Variants in BEND2 observed in about 807,000 individuals in gnomAD.
The protein encoded by BEND2 is BEN domain-containing protein 2.
A neutral mutation model predicts 43.8 loss-of-function variants in BEND2; 19 were observed. The ratio of observed to expected loss-of-function variants is 0.43; its 90% CI spans 0.30 to 0.64. The LOEUF (loss-of-function observed/expected upper bound fraction) is 0.64. Among genes scored for constraint, BEND2 ranks in the 30% least tolerant of loss-of-function variants. The pLI, the probability that BEND2 is intolerant of heterozygous loss-of-function variation, is 0.11. For missense variants in BEND2, 544 were observed against 574.0 expected (o/e 0.95, Z 0.53); for synonymous variants, 226 against 210.1 (o/e 1.08, Z -0.66).
chrX:18,178,263 G>C lies in BEND2; in HGVS notation c.1430-494C>G, dbSNP rs1924251995. On this transcript the variant is annotated intron_variant, in intron 9 of 13. Coordinates refer to ENST00000380033, the MANE Select transcript of BEND2 (RefSeq NM_153346.5). ...TTTATCAGTAGTTCCTGTATATCAG[G>C]CATGTGCTAAATATTTTACATCTGT... Among the ~76,000 whole-genome samples, 5 of 111,494 alleles carry C rather than the reference G, an allele frequency of 4.5e-5. No individual in the cohort carries two copies. The South Asian group carries it at 1.9e-3, about 42-fold the overall frequency.
rs190984203 is a variant in BEND2, at chrX:18,207,983, C to T, written c.493-4068G>A. 8.4e-3 allele frequency among the ~76,000 whole-genome samples: 901 copies of T among 107,583 alleles called. 10 individuals carry two copies. Among genetic ancestry groups the T allele is most frequent in the African/African-American group, 0.028 (831 of 29,300 alleles). 93.4% of individuals were successfully genotyped at this position (107,583 alleles called of 115,157 possible). On this transcript the variant is annotated intron_variant, in intron 4 of 13. Coordinates refer to ENST00000380033, the MANE Select transcript of BEND2 (RefSeq NM_153346.5). ...GCAGTGAGCTGAGATCACACCACTG[C>T]ACTCCAGCCTGGGCAATAAGAGCGA...
At chrX:18,168,949 T>C (rs925900624) in intron 13 of BEND2, among the ~76,000 whole-genome samples, 2 of 111,091 alleles carry the variant, frequency 1.8e-5, no homozygotes, top group Non-Finnish European at 3.8e-5. Flanking sequence ...AAGATTACTG[T>C]ACATCCCCAT....
chrX:18,220,796 G>T lies in BEND2; in HGVS notation c.-46C>A. On this transcript the variant is annotated 5_prime_UTR_variant, in exon 1 of 14. Transcript: ENST00000380033. ...CTCTGAGGCCCGAGACCTGAGGCCCGAGACCTGAGGCCTACGTCTGCGCCG... is the reference window on the plus strand; with the variant it reads ...CTCTGAGGCCCGAGACCTGAGGCCCTAGACCTGAGGCCTACGTCTGCGCCG... 2.6e-6 allele frequency: 3 copies of T among 1,166,224 alleles called. No homozygotes were observed. The highest frequency in any genetic ancestry group is 3.5e-6 in the Non-Finnish European group (3 of 860,305).
chrX:18,174,608 T>C (rs1924085888), intron 11 of BEND2, among the ~76,000 whole-genome samples: 1 of 111,949 alleles, frequency 8.9e-6, no homozygotes, highest in Non-Finnish European at 1.9e-5. Context: ...ATGTTTTGTT[T>C]GTATTCTTTT....
rs149144219 is a variant in BEND2 at position 18,219,056 on chromosome X, T to G, written c.25+1670A>C. 8.6e-3 allele frequency among the ~76,000 whole-genome samples: 957 copies of G among 111,227 alleles called. 15 individuals are homozygous for G. Among genetic ancestry groups the G allele is most frequent in the African/African-American group, 0.03 (906 of 30,625 alleles). The stretch of plus-strand genomic sequence containing the variant: ...GGGCCAATTACAACAGCCAGACCGC[T>G]CCGTTTGTTTTAAGAACAACCACTT... On this transcript the variant is annotated intron_variant, in intron 1 of 13. Transcript: ENST00000380033.
At chrX:18,220,064 A>C (rs1174133475) in intron 1 of BEND2, among the ~76,000 whole-genome samples, 2 of 111,870 alleles carry the variant, frequency 1.8e-5, no homozygotes, top group Admixed American at 1.9e-4. Context: ...CGTCCCAGAA[A>C]GTCAGCATCA....
At chrX:18,220,137 G>A (rs935361241) in intron 1 of BEND2, among the ~76,000 whole-genome samples, 6 of 111,249 alleles carry the variant, frequency 5.4e-5, no homozygotes, top group Non-Finnish European at 1.1e-4. Context: ...GAGAGGCGGC[G>A]GGTACCACCC....
Position 18,220,732 on chromosome X carries a change from C to G in BEND2, c.19G>C (p.Glu7Gln), listed in dbSNP as rs2047221689. 8.3e-7 allele frequency: 1 copy of G among 1,208,791 alleles called. No individual in the cohort carries two copies. Among genetic ancestry groups the G allele is most frequent in the Admixed American group, 2.2e-5 (1 of 45,724 alleles). MSERTQ[E>Q]QDFVIITVDD... ...TGAGGCGAGGTCACTTTACCCTGTT[C>G]CTGGGTCCTCTCTGACATCGTGAGA... is the stretch of plus-strand genomic sequence containing the variant. The change falls in exon 1 of 14, where the codon GAA becomes CAA. Residue 7 changes from glutamate (E) to glutamine (Q), a missense_variant. Coordinates refer to ENST00000380033, the MANE Select transcript of BEND2 (RefSeq NM_153346.5).
intron 8 of BEND2, among the ~76,000 whole-genome samples, chrX:18,188,291 GACTA>G (rs762399756): frequency 2.7e-5 from 3 of 111,218 alleles, no homozygotes; most frequent in Admixed American, 9.6e-5. Context: ...CTTTAAGCCA[GACTA>G]ACTAAGAAAA....
intron 4 of BEND2, among the ~76,000 whole-genome samples, chrX:18,207,281 A>AT (rs1011003017): frequency 3.6e-5 from 4 of 111,843 alleles, no homozygotes; most frequent in Non-Finnish European, 5.6e-5. Flanking sequence ...GGTAAGAAAC[A>AT]TTTTTTTTAA....
At chrX:18,167,776 G>A (rs1411247242) in intron 13 of BEND2, among the ~76,000 whole-genome samples, 2 of 111,429 alleles carry the variant, frequency 1.8e-5, no homozygotes, top group Non-Finnish European at 3.8e-5. Flanking sequence ...TGTTGCCCAG[G>A]CTGGTCTGGA....
At chrX:18,201,418 CAA>C (rs367821568) in intron 6 of BEND2, among the ~76,000 whole-genome samples, 19 of 52,803 alleles carry the variant, frequency 3.6e-4, no homozygotes, top group African/African-American at 1.5e-3. Flanking sequence ...AAAAAAAAAA[CAA>C]AAAAAAAAAA....
intron 9 of BEND2, among the ~76,000 whole-genome samples, chrX:18,179,179 GTTTTTTTTTTT>G (rs1164362773): frequency 3.4e-5 from 2 of 58,407 alleles, no homozygotes; most frequent in African/African-American, 6.9e-5. Flanking sequence ...TTTTGTTTCT[GTTTTTTTTTTT>G]TTTTTTTTTT....
In BEND2 at chrX:18,191,061, T is replaced by C; in HGVS notation, c.1228A>G (p.Met410Val). Residue 410 changes from methionine (M) to valine (V), a missense_variant, in exon 8 of 14, where the codon ATG (methionine) becomes GTG (valine). Met to Val is a conservative substitution (Grantham distance 21). Coordinates refer to ENST00000380033, the MANE Select transcript of BEND2 (RefSeq NM_153346.5). ...TCATCTTGGTCACAGTTATTTTTCA[T>C]TTCAGTTGAGTAACTCATTGTCCCA... The part of the protein sequence containing the change: ...SYGTMSYSTE[M>V]KNNCDQDDAS... The C allele has an allele frequency of 8.3e-7, 1 of 1,210,639 alleles. No individual in the cohort carries two copies. The highest frequency in any genetic ancestry group is 1.8e-5 in the South Asian group (1 of 56,609).
At chrX:18,190,864 C>A in intron 8 of BEND2, 137 bp downstream of exon 8, 1 of 447,242 alleles carries the variant, frequency 2.2e-6, no homozygotes, top group East Asian at 4.4e-5. Flanking sequence ...TGTCAAAATC[C>A]TAGTTGTGAT....
At chrX:18,210,301 T>C (rs140707936) in intron 4 of BEND2, among the ~76,000 whole-genome samples, 2,487 of 111,940 alleles carry the variant, frequency 0.022, 65 homozygotes, top group African/African-American at 0.075. Context: ...TCATTAATGA[T>C]ACTTCCACCT....
intron 11 of BEND2, among the ~76,000 whole-genome samples, chrX:18,175,407 A>G (rs940863346): frequency 3.6e-5 from 4 of 112,432 alleles, no homozygotes; most frequent in Non-Finnish European, 7.5e-5. Flanking sequence ...CGGTTGTGGT[A>G]AAACAAACAA....
At chrX:18,170,382 G>GGT (rs1923937757) in intron 13 of BEND2, among the ~76,000 whole-genome samples, 1 of 112,011 alleles carries the variant, frequency 8.9e-6, no homozygotes, top group African/African-American at 3.2e-5. Flanking sequence ...CTGAAAACCA[G>GGT]GTTTCTTTAT....
At position 18,177,689 on chromosome X, in the gene BEND2, G is replaced by C. The variant is rs1441189152; in HGVS notation, c.1510C>G (p.Gln504Glu). ...LAVQNMAKPK[Q>E]AACYLVRILF... ...ATACGAACCAAGTAGCAGGCTGCTT[G>C]CTTAGGTTTGGCCATATTTTGTACG... Residue 504 changes from glutamine to glutamate, a missense_variant, in exon 10 of 14, where the codon CAA (glutamine) becomes GAA (glutamate). Physicochemically the swap from Gln to Glu is conservative, Grantham distance 29 (BLOSUM62 2). This residue lies in a region of BEND2 where 501 missense variants were observed against 501.6 expected (regional missense o/e 1.00). Transcript: ENST00000380033. 2 of 1,210,551 alleles carry C rather than the reference G, an allele frequency of 1.7e-6. No individual in the cohort carries two copies. The highest frequency in any genetic ancestry group is 4.3e-5 in the Admixed American group (2 of 45,981).
Sources: gnomAD v4.1 joint callset for allele counts (sites outside exome capture counted in the v4.1 genomes callset) on GRCh38, gnomAD v4.1.1 for gene constraint, gnomAD v4.1.1 regional missense constraint, MANE v1.5 for transcripts, NCBI Gene and HGNC (gene_info 2026-07-23, HGNC 2026-07-21) for gene names.